RBM18: variants seen among roughly 807,000 people sequenced by gnomAD.
RBM18 encodes probable RNA-binding protein 18.
A neutral mutation model predicts 26.4 loss-of-function variants in RBM18; 18 were observed. The ratio of observed to expected loss-of-function variants is 0.68; its 90% CI spans 0.47 to 1.01. RBM18 has a LOEUF of 1.01. Ranked by LOEUF, RBM18 falls within the 50% of genes least tolerant of loss-of-function variation. The pLI is 0.00. For synonymous variants in RBM18, 74 were observed against 81.1 expected, an observed-to-expected ratio of 0.91 and a Z score of 0.47; for missense variants, 180 against 219.2, an observed-to-expected ratio of 0.82 and a Z score of 1.13.
At chr9:122,243,744 C>T (rs775717272) in intron 5 of RBM18, 7 of 985,190 alleles carry the variant, frequency 7.1e-6, no homozygotes, top group Middle Eastern at 5.2e-4. Context: ...GATATATTAC[C>T]GAGATGCATT....
At chr9:122,247,737 T>C in intron 3 of RBM18, 133 bp from the exon 4 acceptor site, 1 of 673,082 alleles carries the variant, frequency 1.5e-6, no homozygotes, top group Admixed American at 2.4e-5. Flanking sequence ...TGGCAAGGGT[T>C]TACAATTTTA....
intron 4 of RBM18, among the ~76,000 whole-genome samples, chr9:122,247,112 G>C (rs1831517375): frequency 6.6e-6 from 1 of 152,178 alleles, no homozygotes; most frequent in Non-Finnish European, 1.5e-5. Flanking sequence ...AACTACCCAT[G>C]TCTCAAGCGT....
At chr9:122,251,442 CAA>C (rs1391253941) in intron 3 of RBM18, among the ~76,000 whole-genome samples, 1 of 152,164 alleles carries the variant, frequency 6.6e-6, no homozygotes, top group Non-Finnish European at 1.5e-5. Flanking sequence ...GAAGAAATAA[CAA>C]AAGAGTCTTT....
Position 122,240,734 on chromosome 9 carries a change from A to G in RBM18, c.*1150T>C, listed in dbSNP as rs1831403538. On this transcript the variant is annotated 3_prime_UTR_variant, in exon 6 of 6. Transcript: ENST00000417201. The stretch of plus-strand genomic sequence containing the variant: ...CTATTGTTATATTCAGGATGCTTAG[A>G]GTGACAAACATATCTAGAGGCAAGT... 1 of 152,212 alleles carries G rather than the reference A, an allele frequency of 6.6e-6. No individual in the cohort carries two copies. Among genetic ancestry groups the G allele is most frequent in the Non-Finnish European group, 1.5e-5 (1 of 68,030 alleles). 9.4% of individuals were successfully genotyped at this position (152,212 alleles called of 1,614,324 possible).
chr9:122,249,876 G>A lies in RBM18; in HGVS notation c.240+1971C>T, dbSNP rs1357764923. Among the ~76,000 whole-genome samples, 3 of 151,942 alleles carry A rather than the reference G, an allele frequency of 2.0e-5. No homozygotes were observed. The East Asian group carries it at 5.8e-4, about 30-fold the overall frequency. On this transcript the variant is annotated intron_variant, in intron 3 of 5. Coordinates refer to ENST00000417201, the MANE Select transcript of RBM18 (RefSeq NM_033117.4). ...GCTTGAGCCCAGGAGTTTGAGGCCAGCCTGGGCAACATGGTGAAATGCCAT... is the reference window on the plus strand; with the variant it reads ...GCTTGAGCCCAGGAGTTTGAGGCCAACCTGGGCAACATGGTGAAATGCCAT...
intron 5 of RBM18, among the ~76,000 whole-genome samples, chr9:122,244,828 T>C (rs1310478299): frequency 1.3e-5 from 2 of 152,232 alleles, no homozygotes; most frequent in African/African-American, 4.8e-5. Context: ...AAAACTGTTA[T>C]GGCTGTTGCA....
chr9:122,261,643 A>G (rs530125724), intron 1 of RBM18, 135 bp from the exon 2 acceptor site: 1 of 624,218 alleles, frequency 1.6e-6, no homozygotes, highest in Admixed American at 2.8e-5. Flanking sequence ...CAGTGATTCC[A>G]CAACCAGGGC....
intron 1 of RBM18, among the ~76,000 whole-genome samples, chr9:122,264,263 T>C (rs1831906022): frequency 6.6e-6 from 1 of 152,186 alleles, no homozygotes; most frequent in African/African-American, 2.4e-5. Context: ...ATAAGACAAT[T>C]TTGGTGACAG....
At chr9:122,262,119 G>T in intron 1 of RBM18, among the ~76,000 whole-genome samples, 1 of 132,808 alleles carries the variant, frequency 7.5e-6, no homozygotes, top group South Asian at 2.8e-4. Context: ...TTGTTGTGAA[G>T]ATTAAAGACA....
intron 2 of RBM18, among the ~76,000 whole-genome samples, chr9:122,253,447 T>C (rs1051461356): frequency 1.3e-5 from 2 of 152,096 alleles, no homozygotes; most frequent in Non-Finnish European, 2.9e-5. Context: ...TCCCCTACTT[T>C]CTAACTTCCC....
At chr9:122,250,152 T>C (rs772910693) in intron 3 of RBM18, among the ~76,000 whole-genome samples, 3 of 151,798 alleles carry the variant, frequency 2.0e-5, no homozygotes, top group Non-Finnish European at 2.9e-5. Context: ...AGAGTAACAA[T>C]GTATTATTTA....
At chr9:122,249,522 C>T (rs1388044610) in intron 3 of RBM18, among the ~76,000 whole-genome samples, 2 of 150,188 alleles carry the variant, frequency 1.3e-5, no homozygotes, top group African/African-American at 4.9e-5. Context: ...ATCAGCCTGA[C>T]AACATGGCGA....
chr9:122,242,076 C>T (rs1831430611), intron 5 of RBM18, 33 bp from the exon 6 acceptor site: 1 of 1,608,060 alleles, frequency 6.2e-7, no homozygotes, highest in South Asian at 1.1e-5. Flanking sequence ...TCAGAGTGGG[C>T]CTAGGTATAT....
chr9:122,258,258 G>GTTCTTTCT (rs111604544), intron 2 of RBM18, among the ~76,000 whole-genome samples: 51 of 152,004 alleles, frequency 3.4e-4, no homozygotes, highest in African/African-American at 1.2e-3. Flanking sequence ...ATGATTGGTA[G>GTTCTTTCT]TTCTTTCTTT....
At chr9:122,260,033 T>C (rs1310350725) in intron 2 of RBM18, among the ~76,000 whole-genome samples, 1 of 152,180 alleles carries the variant, frequency 6.6e-6, no homozygotes, top group African/African-American at 2.4e-5. Context: ...GAGTAACTTC[T>C]AGGACTGATG....
chr9:122,261,611 C>A (rs1831797821), intron 1 of RBM18, 103 bp from the exon 2 acceptor site: 1 of 763,390 alleles, frequency 1.3e-6, no homozygotes, highest in African/African-American at 1.7e-5. Context: ...GGCATGCCCT[C>A]TGGGCAGTCC....
chr9:122,260,679 G>A (rs992503388), intron 2 of RBM18, among the ~76,000 whole-genome samples: 1 of 152,196 alleles, frequency 6.6e-6, no homozygotes, highest in Non-Finnish European at 1.5e-5. Context: ...AGCCCTGGAA[G>A]TTCTACAGAG....
chr9:122,244,935 C>T (rs1831479721), intron 5 of RBM18, among the ~76,000 whole-genome samples: 1 of 152,128 alleles, frequency 6.6e-6, no homozygotes, highest in Non-Finnish European at 1.5e-5. Context: ...GCCAAAGAGA[C>T]CCAAGGCCTT....
intron 2 of RBM18, among the ~76,000 whole-genome samples, chr9:122,258,692 C>T (rs1048677370): frequency 3.3e-5 from 5 of 152,012 alleles, no homozygotes; most frequent in African/African-American, 9.7e-5. Flanking sequence ...GTAATCCCAA[C>T]ACTTTGGGAG....
Sources: gnomAD v4.1 joint callset for allele counts (sites outside exome capture counted in the v4.1 genomes callset) on GRCh38, gnomAD v4.1.1 for gene constraint, MANE v1.5 for transcripts, NCBI Gene and HGNC (gene_info 2026-07-23, HGNC 2026-07-21) for gene names.